DRD2: variants seen among roughly 807,000 people sequenced by gnomAD.
The protein encoded by DRD2 is dopamine receptor D2.
In DRD2, 8 loss-of-function variants were observed where a neutral mutation model predicts 38.0. That is an observed-to-expected ratio of 0.21 (90% CI 0.12 to 0.38). The LOEUF (loss-of-function observed/expected upper bound fraction) is 0.38. DRD2 is among the 10% of genes least tolerant of loss of function. DRD2 has a pLI of 1.00. For synonymous variants in DRD2, 230 were observed against 238.6 expected, an observed-to-expected ratio of 0.96 and a Z score of 0.33; for missense variants, 403 against 607.7, an observed-to-expected ratio of 0.66 and a Z score of 3.54.
intron 7 of DRD2, chr11:113,411,757 T>A (rs1950771920): frequency 6.6e-6 from 1 of 152,280 alleles, no homozygotes; most frequent in Admixed American, 6.5e-5. Context: ...TGGGATCAAG[T>A]GCTCTCATTC....
rs116565939 is a variant in DRD2 at position 113,422,280 on chromosome 11, T to C, written c.285+2087A>G. Among the ~76,000 whole-genome samples, 347 of 152,384 alleles carry C rather than the reference T, an allele frequency of 2.3e-3. 3 individuals are homozygous for C. Among genetic ancestry groups the C allele is most frequent in the African/African-American group, 8.1e-3 (336 of 41,586 alleles). ...ATCTTCATCTTTATCATCATCGCCA[T>C]GGCTGACATTTACACAGTGCTCACT... On this transcript the variant is annotated intron_variant, in intron 2 of 7. Transcript: ENST00000362072.
chr11:113,435,719 C>T (rs1565668842), intron 1 of DRD2, among the ~76,000 whole-genome samples: 1 of 150,406 alleles, frequency 6.6e-6, no homozygotes, highest in Non-Finnish European at 1.5e-5. Flanking sequence ...CCAGGGGCTA[C>T]ACAGGGTCAC....
At chr11:113,470,008 C>T (rs562831419) in intron 1 of DRD2, among the ~76,000 whole-genome samples, 5 of 152,154 alleles carry the variant, frequency 3.3e-5, no homozygotes, top group Admixed American at 6.5e-5. Context: ...AAATGCTGGC[C>T]GTTATGATGA....
At chr11:113,417,897 CA>C (rs1261153251) in intron 3 of DRD2, 129 bp downstream of exon 3, 1 of 749,752 alleles carries the variant, frequency 1.3e-6, no homozygotes, top group Non-Finnish European at 2.3e-6. Context: ...CACACAAACA[CA>C]TGGACCCCCA....
intron 2 of DRD2, among the ~76,000 whole-genome samples, chr11:113,419,636 C>T (rs766015848): frequency 1.3e-5 from 2 of 152,082 alleles, no homozygotes; most frequent in South Asian, 4.1e-4. Flanking sequence ...GGGAGATGCA[C>T]CTTTGGCTTC....
At chr11:113,416,753 C>T in intron 4 of DRD2, 110 bp downstream of exon 4, 1 of 1,479,484 alleles carries the variant, frequency 6.8e-7, no homozygotes, top group Admixed American at 2.0e-5. Context: ...GATAGGCCTC[C>T]ATTGGGCCTC....
At position 113,410,389 on chromosome 11, in the gene DRD2, C is replaced by A. The variant is rs200255258; in HGVS notation, c.*338G>T. 2.1e-6 allele frequency: 1 copy of A among 470,258 alleles called. No individual in the cohort carries two copies. The highest frequency in any genetic ancestry group is 3.9e-6 in the Non-Finnish European group (1 of 255,254). The allele number at this position is 470,258 out of a possible 1,614,324, so 29.1% of individuals were successfully genotyped here. The stretch of plus-strand genomic sequence containing the variant: ...CTCTGGGCCCTGACTCAGGCTCCAG[C>A]AACCCTAGAGCCCCAGAGGAAGGTC... On this transcript the variant is annotated 3_prime_UTR_variant, in exon 8 of 8. Transcript: ENST00000362072.
Position 113,410,314 on chromosome 11 carries a change from C to A in DRD2, c.*413G>T, listed in dbSNP as rs1043313499. The A allele has an allele frequency of 2.4e-4, 91 of 376,784 alleles. No homozygotes were observed. The highest frequency in any genetic ancestry group is 1.7e-3 in the Middle Eastern group (2 of 1,202). 23.3% of individuals were successfully genotyped at this position (376,784 alleles called of 1,614,324 possible). A position where few individuals can be genotyped will look rare whatever the true frequency, so the allele number is the denominator to read the frequency against. ...GCCTTGCAGGGTGTGAACTGTCCATCTCTCCCCACCGCCTGCTCCACGCCA... is the reference window on the plus strand; with the variant it reads ...GCCTTGCAGGGTGTGAACTGTCCATATCTCCCCACCGCCTGCTCCACGCCA... On this transcript the variant is annotated 3_prime_UTR_variant, in exon 8 of 8. Coordinates refer to ENST00000362072, the MANE Select transcript of DRD2 (RefSeq NM_000795.4).
intron 1 of DRD2, among the ~76,000 whole-genome samples, chr11:113,448,831 C>T (rs1368739676): frequency 2.0e-5 from 3 of 152,140 alleles, no homozygotes. Context: ...GGAGACCAGG[C>T]CCACAGACCC....
At chr11:113,443,764 T>C (rs1462190836) in intron 1 of DRD2, among the ~76,000 whole-genome samples, 1 of 152,152 alleles carries the variant, frequency 6.6e-6, no homozygotes, top group Admixed American at 6.5e-5. Flanking sequence ...CCATGAAAAC[T>C]AAGTGGAATG....
At chr11:113,442,897 C>T (rs1241586954) in intron 1 of DRD2, among the ~76,000 whole-genome samples, 1 of 152,176 alleles carries the variant, frequency 6.6e-6, no homozygotes, top group African/African-American at 2.4e-5. Flanking sequence ...TACCTTTGTG[C>T]CTTTTTTCCT....
chr11:113,457,082 A>G (rs1295543746), intron 1 of DRD2, among the ~76,000 whole-genome samples: 1 of 152,006 alleles, frequency 6.6e-6, no homozygotes, highest in Non-Finnish European at 1.5e-5. Context: ...ACACCAGGAG[A>G]CCCAAGCAGC....
Position 113,410,865 on chromosome 11 carries a change from G to T in DRD2, c.1194C>A (p.His398Gln). The T allele has an allele frequency of 6.2e-7, 1 of 1,614,158 alleles. No homozygotes were observed. Among genetic ancestry groups the T allele is most frequent in the Non-Finnish European group, 8.5e-7 (1 of 1,179,990 alleles). Residue 398 changes from histidine (H) to glutamine (Q), a missense_variant, in exon 8 of 8, where the codon CAC (histidine) becomes CAA (glutamine). By Grantham distance (24) the His-to-Gln change is conservative. Transcript: ENST00000362072. ...PFFITHILNI[H>Q]CDCNIPPVLY... ...GGACAGGCGGGATGTTGCAGTCACA[G>T]TGTATGTTCAGGATGTGTGTGATGA...
intron 6 of DRD2, 70 bp downstream of exon 6, chr11:113,414,305 A>G: frequency 6.8e-7 from 1 of 1,467,278 alleles, no homozygotes. Context: ...CTGAGGTCTC[A>G]GAACCATGGC....
intron 2 of DRD2, among the ~76,000 whole-genome samples, chr11:113,420,629 A>G (rs1591278382): frequency 6.6e-6 from 1 of 152,352 alleles, no homozygotes; most frequent in Non-Finnish European, 1.5e-5. Context: ...TGTGCAGCAG[A>G]GCTGGAATCT....
chr11:113,452,209 A>G (rs1565675091), intron 1 of DRD2, among the ~76,000 whole-genome samples: 1 of 152,168 alleles, frequency 6.6e-6, no homozygotes. Flanking sequence ...GGTAATTGAG[A>G]GCATGACAAC....
intron 1 of DRD2, among the ~76,000 whole-genome samples, chr11:113,440,109 T>C (rs1229587388): frequency 6.6e-6 from 1 of 152,128 alleles, no homozygotes; most frequent in African/African-American, 2.4e-5. Context: ...GGAGCCTCCA[T>C]GAGTGCCTCT....
intron 1 of DRD2, among the ~76,000 whole-genome samples, chr11:113,469,134 C>G (rs1951397835): frequency 6.6e-6 from 1 of 152,120 alleles, no homozygotes; most frequent in South Asian, 2.1e-4. Flanking sequence ...TACACCTCCT[C>G]CCAGCTCCTC....
chr11:113,411,421 G>C (rs1950768639), intron 7 of DRD2: 1 of 154,140 alleles, frequency 6.5e-6, no homozygotes, highest in Admixed American at 6.4e-5. Flanking sequence ...TCTCGCTCTA[G>C]CCTTCCCCCA....
Sources: gnomAD v4.1 joint callset for allele counts (sites outside exome capture counted in the v4.1 genomes callset) on GRCh38, gnomAD v4.1.1 for gene constraint, MANE v1.5 for transcripts, NCBI Gene and HGNC (gene_info 2026-07-23, HGNC 2026-07-21) for gene names.